Variants in TTC29 observed in about 807,000 individuals in gnomAD.
The protein encoded by TTC29 is tetratricopeptide repeat protein 29.
A neutral mutation model predicts 58.1 loss-of-function variants in TTC29; 49 were observed. The ratio of observed to expected loss-of-function variants is 0.84; its 90% CI spans 0.67 to 1.07. The LOEUF is 1.07. Ranked by LOEUF, TTC29 falls within the 50% of genes least tolerant of loss-of-function variation. The probability of loss-of-function intolerance (pLI) is 0.00; values close to 1 mark genes in which losing one functional copy is unlikely to be tolerated. For missense variants in TTC29, 582 were observed against 555.6 expected (o/e 1.05, Z -0.48); for synonymous variants, 209 against 196.8 (o/e 1.06, Z -0.52).
In TTC29 at chr4:146,874,860, C is replaced by G; in HGVS notation, c.655G>C (p.Asp219His). 1 of 1,613,524 alleles carries G rather than the reference C, an allele frequency of 6.2e-7. No individual in the cohort carries two copies. The highest frequency in any genetic ancestry group is 8.5e-7 in the Non-Finnish European group (1 of 1,179,708). The change falls in exon 7 of 13, where the codon GAT becomes CAT. Residue 219 changes from aspartate (D) to histidine (H), a missense_variant. Transcript: ENST00000325106. ...HQLTQGRIWK[D>H]ETGRSLNLLA... ...AAGTTGAGAGAGCGGCCTGTCTCAT[C>G]CTTCCATATCCGCCCCTGTGTCAAT...
chr4:146,831,207 T>A (rs1344548613), intron 9 of TTC29, among the ~76,000 whole-genome samples: 1 of 152,136 alleles, frequency 6.6e-6, no homozygotes, highest in Admixed American at 6.5e-5. Flanking sequence ...TAAGAATCCA[T>A]GTCTACCATG....
intron 4 of TTC29, among the ~76,000 whole-genome samples, chr4:146,921,697 C>T (rs894846847): frequency 2.7e-5 from 4 of 150,634 alleles, no homozygotes; most frequent in Non-Finnish European, 5.9e-5. Flanking sequence ...GAGAAGACAT[C>T]GATTTTAATT....
intron 4 of TTC29, among the ~76,000 whole-genome samples, chr4:146,923,935 C>T (rs1449215999): frequency 6.6e-6 from 1 of 151,416 alleles, no homozygotes; most frequent in African/African-American, 2.4e-5. Flanking sequence ...ATCAATATAA[C>T]AGAATATATA....
chr4:146,880,653 T>C (rs1731564118), intron 6 of TTC29, among the ~76,000 whole-genome samples: 1 of 152,108 alleles, frequency 6.6e-6, no homozygotes, highest in South Asian at 2.1e-4. Context: ...ATGTATATGA[T>C]CTCTCCCATT....
chr4:146,728,203 C>G (rs1743932452), intron 11 of TTC29, among the ~76,000 whole-genome samples: 1 of 151,860 alleles, frequency 6.6e-6, no homozygotes, highest in South Asian at 2.1e-4. Flanking sequence ...AGGAGAATCA[C>G]CTGAACATGG....
intron 11 of TTC29, among the ~76,000 whole-genome samples, chr4:146,762,655 C>T (rs767504061): frequency 6.6e-6 from 1 of 151,446 alleles, no homozygotes; most frequent in African/African-American, 2.4e-5. Flanking sequence ...CCTTTTTCTC[C>T]TCCTTCTAAA....
chr4:146,739,722 C>A (rs1744985266), intron 11 of TTC29, among the ~76,000 whole-genome samples: 1 of 152,154 alleles, frequency 6.6e-6, no homozygotes, highest in Non-Finnish European at 1.5e-5. Flanking sequence ...TATATTCATA[C>A]TTTTCCCTAC....
chr4:146,727,164 A>C (rs1036851878), intron 11 of TTC29, among the ~76,000 whole-genome samples: 7 of 152,004 alleles, frequency 4.6e-5, no homozygotes, highest in African/African-American at 1.4e-4. Flanking sequence ...CTTTTTAAGA[A>C]GCAATATATA....
At chr4:146,851,020 T>C (rs1323357856) in intron 8 of TTC29, among the ~76,000 whole-genome samples, 1 of 152,236 alleles carries the variant, frequency 6.6e-6, no homozygotes, top group Non-Finnish European at 1.5e-5. Flanking sequence ...ACATATATCA[T>C]CTTCATTTTA....
chr4:146,868,659 C>G (rs1290921458), intron 7 of TTC29, among the ~76,000 whole-genome samples: 3 of 152,136 alleles, frequency 2.0e-5, no homozygotes, highest in Non-Finnish European at 4.4e-5. Context: ...ATATAACTTG[C>G]TTATATTTAG....
chr4:146,718,269 T>G (rs1006428740), intron 11 of TTC29, among the ~76,000 whole-genome samples: 3 of 152,180 alleles, frequency 2.0e-5, no homozygotes, highest in Non-Finnish European at 4.4e-5. Context: ...GGTAATTTTA[T>G]TTTTAGTTTT....
chr4:146,740,332 C>T (rs1224019196), intron 11 of TTC29, among the ~76,000 whole-genome samples: 1 of 151,956 alleles, frequency 6.6e-6, no homozygotes, highest in African/African-American at 2.4e-5. Flanking sequence ...TATTGTAGCT[C>T]AAGGGTAACA....
chr4:146,780,545 T>C (rs1387820498), intron 11 of TTC29, among the ~76,000 whole-genome samples: 2 of 152,030 alleles, frequency 1.3e-5, no homozygotes, highest in Admixed American at 6.6e-5. Context: ...GATTCTGGTA[T>C]GTATATAGTG....
At chr4:146,908,436 A>G (rs1246205352) in intron 5 of TTC29, among the ~76,000 whole-genome samples, 1 of 152,200 alleles carries the variant, frequency 6.6e-6, no homozygotes. Context: ...AATGTATACT[A>G]ACTTTCTGGA....
chr4:146,944,721 A>T (rs1365950396), intron 2 of TTC29, among the ~76,000 whole-genome samples: 1 of 152,214 alleles, frequency 6.6e-6, no homozygotes, highest in Non-Finnish European at 1.5e-5. Context: ...AATCATTCAT[A>T]AGAATTAAAA....
intron 11 of TTC29, among the ~76,000 whole-genome samples, chr4:146,719,385 G>A (rs549435684): frequency 6.6e-6 from 1 of 152,272 alleles, no homozygotes; most frequent in Non-Finnish European, 1.5e-5. Flanking sequence ...TCACACAGCT[G>A]ATAACTATTT....
At chr4:146,812,542 T>A (rs907838145) in intron 10 of TTC29, among the ~76,000 whole-genome samples, 3 of 152,192 alleles carry the variant, frequency 2.0e-5, no homozygotes, top group Non-Finnish European at 2.9e-5. Flanking sequence ...TTTGATTAGA[T>A]CTTATTTATA....
At chr4:146,931,269 C>A (rs1560731193) in intron 4 of TTC29, among the ~76,000 whole-genome samples, 2 of 151,872 alleles carry the variant, frequency 1.3e-5, no homozygotes, top group African/African-American at 2.4e-5. Context: ...GAAAATGATA[C>A]TTAGTACGAA....
chr4:146,755,193 G>A (rs1746347771), intron 11 of TTC29, among the ~76,000 whole-genome samples: 1 of 152,018 alleles, frequency 6.6e-6, no homozygotes, highest in Non-Finnish European at 1.5e-5. Context: ...TCTCTATATT[G>A]AAAACTATAC....
Sources: gnomAD v4.1 joint callset for allele counts (sites outside exome capture counted in the v4.1 genomes callset) on GRCh38, gnomAD v4.1.1 for gene constraint, MANE v1.5 for transcripts, NCBI Gene and HGNC (gene_info 2026-07-23, HGNC 2026-07-21) for gene names.